The following WDSUB1 variants were observed in gnomAD, a reference collection of about 807,000 sequenced individuals.
WDSUB1 encodes the protein WD repeat, SAM and U-box domain-containing protein 1.
In WDSUB1, 49 loss-of-function variants were observed where a neutral mutation model predicts 53.9. The ratio of observed to expected loss-of-function variants is 0.91; its 90% CI spans 0.72 to 1.15. WDSUB1 has a LOEUF of 1.15. Ranked by LOEUF, WDSUB1 falls within the 50% of genes most tolerant of loss-of-function variation. The pLI is 0.00. For missense variants in WDSUB1, 514 were observed against 562.0 expected (o/e 0.91, Z 0.86); for synonymous variants, 194 against 200.6 (o/e 0.97, Z 0.28).
intron 10 of WDSUB1, among the ~76,000 whole-genome samples, chr2:159,242,348 C>T (rs1218275478): frequency 2.7e-5 from 4 of 146,486 alleles, no homozygotes; most frequent in Non-Finnish European, 4.4e-5. Flanking sequence ...TGAGCCACCA[C>T]ACCCGGCCAA....
At chr2:159,267,785 C>T (rs979422012) in intron 5 of WDSUB1, among the ~76,000 whole-genome samples, 9 of 152,188 alleles carry the variant, frequency 5.9e-5, no homozygotes, top group African/African-American at 1.7e-4. Flanking sequence ...CTATCATTAA[C>T]TAATTGACCT....
At chr2:159,260,068 T>C (rs10196516) in intron 5 of WDSUB1, among the ~76,000 whole-genome samples, 12,598 of 151,992 alleles carry the variant, frequency 0.083, 1,161 homozygotes, top group African/African-American at 0.22. Context: ...CTTTGGGAGG[T>C]TGATTCGAGC....
intron 5 of WDSUB1, among the ~76,000 whole-genome samples, chr2:159,266,337 C>A (rs576088018): frequency 1.3e-5 from 2 of 151,992 alleles, no homozygotes; most frequent in African/African-American, 2.4e-5. Flanking sequence ...TACAGGCACC[C>A]GCCACAACGC....
chr2:159,257,885 T>C, intron 7 of WDSUB1, 21 bp from the exon 8 acceptor site: 2 of 1,610,874 alleles, frequency 1.2e-6, no homozygotes, highest in Non-Finnish European at 1.7e-6. Flanking sequence ...AAAACAACTA[T>C]TATGTATCTT....
At chr2:159,240,849 TA>T (rs35973033) in intron 10 of WDSUB1, among the ~76,000 whole-genome samples, 1 of 152,062 alleles carries the variant, frequency 6.6e-6, no homozygotes, top group Non-Finnish European at 1.5e-5. Flanking sequence ...ACTGAAATTT[TA>T]AAAAAATCTC....
At chr2:159,270,173 A>C (rs897904794) in intron 5 of WDSUB1, among the ~76,000 whole-genome samples, 8 of 152,228 alleles carry the variant, frequency 5.3e-5, no homozygotes, top group Non-Finnish European at 5.9e-5. Context: ...ATATACTAAC[A>C]AGTGCCTAGA....
intron 10 of WDSUB1, among the ~76,000 whole-genome samples, chr2:159,247,543 GT>G (rs950226786): frequency 1.5e-4 from 23 of 150,404 alleles, no homozygotes; most frequent in South Asian, 6.4e-4. Context: ...ACTCTAAACT[GT>G]TTTTTTTTCC....
intron 10 of WDSUB1, among the ~76,000 whole-genome samples, chr2:159,247,909 A>ATGT (rs1559532032): frequency 5.7e-5 from 1 of 17,450 alleles, no homozygotes; most frequent in African/African-American, 1.8e-4. Flanking sequence ...ATATATATAT[A>ATGT]AATATATATA....
At position 159,282,732 on chromosome 2, in the gene WDSUB1, G is replaced by A; in HGVS notation, c.338C>T (p.Ala113Val). Residue 113 changes from alanine (A) to valine (V), a missense_variant, in exon 2 of 11, where the codon GCA (alanine) becomes GTA (valine). Coordinates refer to ENST00000359774, the MANE Select transcript of WDSUB1 (RefSeq NM_001128212.3). ...CACAGTTCCATCAGCTGCCCCTGAT[G>A]CCAAACACGTGGAGTCTGGGGAAAA... is the stretch of plus-strand genomic sequence containing the variant. The part of the protein sequence containing the change: ...CQFSPDSTCL[A>V]SGAADGTVVL... The A allele has an allele frequency of 1.2e-6, 2 of 1,614,122 alleles. No individual in the cohort carries two copies. Among genetic ancestry groups the A allele is most frequent in the Non-Finnish European group, 1.7e-6 (2 of 1,179,994 alleles).
chr2:159,256,512 C>A, intron 8 of WDSUB1, 137 bp from the exon 9 acceptor site: 1 of 859,226 alleles, frequency 1.2e-6, no homozygotes, highest in South Asian at 1.9e-5. Flanking sequence ...TGCCTATAAT[C>A]CTAGCTTCTC....
chr2:159,265,104 AC>A (rs1455938405), intron 5 of WDSUB1, among the ~76,000 whole-genome samples: 8 of 148,368 alleles, frequency 5.4e-5, no homozygotes, highest in African/African-American at 1.8e-4. Flanking sequence ...AAAAAATAAA[AC>A]AACAACAACA....
intron 10 of WDSUB1, among the ~76,000 whole-genome samples, chr2:159,246,950 A>G (rs1172958257): frequency 6.6e-6 from 1 of 152,208 alleles, no homozygotes; most frequent in Non-Finnish European, 1.5e-5. Context: ...AGACCTGTCT[A>G]TGGTCACGTG....
At chr2:159,266,618 TTTCATCTCTAGCCACTTATA>T (rs1220735659) in intron 5 of WDSUB1, among the ~76,000 whole-genome samples, 5 of 152,218 alleles carry the variant, frequency 3.3e-5, no homozygotes, top group African/African-American at 1.2e-4. Flanking sequence ...TCCATTCACT[TTTCATCTCTAGCCACTTATA>T]TTCATCTCTA....
chr2:159,275,843 G>A (rs1484328091), intron 3 of WDSUB1, among the ~76,000 whole-genome samples: 2 of 152,100 alleles, frequency 1.3e-5, no homozygotes, highest in Admixed American at 1.3e-4. Context: ...TCCTCAAGTT[G>A]CTACAAAAAA....
intron 3 of WDSUB1, among the ~76,000 whole-genome samples, chr2:159,277,086 C>T (rs2061556498): frequency 6.6e-6 from 1 of 152,188 alleles, no homozygotes; most frequent in African/African-American, 2.4e-5. Flanking sequence ...CAAACGTGTA[C>T]ACCTGGGCAT....
chr2:159,271,605 G>A, intron 5 of WDSUB1, 97 bp downstream of exon 5: 1 of 1,020,188 alleles, frequency 9.8e-7, no homozygotes, highest in South Asian at 1.4e-5. Context: ...CTTTGTGGTG[G>A]CTCATCAAGC....
chr2:159,248,356 A>G lies in WDSUB1; in HGVS notation c.1273+16T>C, dbSNP rs769450540. The G allele has an allele frequency of 1.5e-5, 24 of 1,608,716 alleles. No homozygotes were observed. In the Admixed American group the frequency reaches 2.5e-4, roughly 17 times the overall value. On this transcript the variant is annotated intron_variant, in intron 10 of 10. Transcript: ENST00000359774. ...CACAAAACATCCCCTGCAACTTAGT[A>G]TAGCATCACACATACCTGATGCGAT...
At chr2:159,275,384 C>T (rs2151138133) in intron 4 of WDSUB1, among the ~76,000 whole-genome samples, 162 bp downstream of exon 4, 1 of 152,278 alleles carries the variant, frequency 6.6e-6, no homozygotes, top group Middle Eastern at 3.4e-3. Context: ...CATCAATGAG[C>T]ATCTGATTTT....
chr2:159,272,082 G>T (rs1475680303), intron 4 of WDSUB1, among the ~76,000 whole-genome samples: 1 of 152,214 alleles, frequency 6.6e-6, no homozygotes, highest in Non-Finnish European at 1.5e-5. Context: ...TGGCCTGGGA[G>T]CTACAGGGCA....
Sources: gnomAD v4.1 joint callset for allele counts (sites outside exome capture counted in the v4.1 genomes callset) on GRCh38, gnomAD v4.1.1 for gene constraint, MANE v1.5 for transcripts, NCBI Gene and HGNC (gene_info 2026-07-23, HGNC 2026-07-21) for gene names.